ADAMTS9: variants seen among roughly 807,000 people sequenced by gnomAD.
The protein encoded by ADAMTS9 is ADAM metallopeptidase with thrombospondin type 1 motif 9.
In ADAMTS9, 107 loss-of-function variants were observed where a neutral mutation model predicts 257.1. That is an observed-to-expected ratio of 0.42 (90% CI 0.36 to 0.49). The LOEUF (loss-of-function observed/expected upper bound fraction) is 0.49. ADAMTS9 is among the 20% of genes least tolerant of loss of function. The pLI is 0.03. For missense variants in ADAMTS9, 2,353 were observed against 2,469.1 expected, an observed-to-expected ratio of 0.95 and a Z score of 1.00; for synonymous variants, 982 against 880.9, an observed-to-expected ratio of 1.11 and a Z score of -2.03.
intron 3 of ADAMTS9, among the ~76,000 whole-genome samples, chr3:64,670,075 T>C (rs1434352366): frequency 6.6e-6 from 1 of 152,208 alleles, no homozygotes; most frequent in East Asian, 1.9e-4. Context: ...CAGCAGGGCA[T>C]GTGGTCATAA....
chr3:64,671,172 T>C (rs1348116082), intron 3 of ADAMTS9, among the ~76,000 whole-genome samples: 1 of 152,192 alleles, frequency 6.6e-6, no homozygotes, highest in Non-Finnish European at 1.5e-5. Context: ...GATATATCCA[T>C]TCAGTGGAAT....
At chr3:64,533,325 A>T (rs2083006756) in intron 37 of ADAMTS9, 55 bp from the exon 38 acceptor site, 1 of 1,404,756 alleles carries the variant, frequency 7.1e-7, no homozygotes, top group African/African-American at 1.4e-5. Flanking sequence ...TCCTCAAAAA[A>T]GCAAAGGCAA....
At chr3:64,616,627 A>G (rs1437861160) in intron 19 of ADAMTS9, among the ~76,000 whole-genome samples, 1 of 152,176 alleles carries the variant, frequency 6.6e-6, no homozygotes. Flanking sequence ...ACCTGTAATG[A>G]GATTATGGGG....
At chr3:64,518,729 T>C (rs945435184) in intron 39 of ADAMTS9, among the ~76,000 whole-genome samples, 3 of 151,246 alleles carry the variant, frequency 2.0e-5, no homozygotes, top group African/African-American at 4.9e-5. Flanking sequence ...TAGGACACTC[T>C]GAGTTCTGCC....
chr3:64,658,751 T>C lies in ADAMTS9; in HGVS notation c.720A>G (p.Arg240=). The C allele has an allele frequency of 1.9e-6, 3 of 1,614,168 alleles. No homozygotes were observed. The highest frequency in any genetic ancestry group is 2.2e-5 in the East Asian group (1 of 44,880). The part of the protein sequence containing the change: ...NRHSKDKKKT[R]ARKWGERINL... Reference sequence around the variant, plus strand: ...TAATCCTTTCTCCCCATTTTCTTGCTCTGGTTTTCTTCTTGTCTTTACTGT... The same window carrying C: ...TAATCCTTTCTCCCCATTTTCTTGCCCTGGTTTTCTTCTTGTCTTTACTGT... The change falls in exon 4 of 40, where the codon AGA becomes AGG. Residue 240 remains arginine, a synonymous_variant. Transcript: ENST00000498707.
At chr3:64,545,799 T>C (rs1342169209) in intron 32 of ADAMTS9, among the ~76,000 whole-genome samples, 4 of 152,190 alleles carry the variant, frequency 2.6e-5, no homozygotes, top group African/African-American at 7.2e-5. Context: ...GATGTCACCA[T>C]GTTGGCCAGG....
At chr3:64,630,449 G>A (rs1700339575) in intron 16 of ADAMTS9, among the ~76,000 whole-genome samples, 1 of 152,144 alleles carries the variant, frequency 6.6e-6, no homozygotes, top group African/African-American at 2.4e-5. Context: ...GCATAGTGGT[G>A]AGTGCCTATA....
chr3:64,650,944 C>G, intron 9 of ADAMTS9, 73 bp downstream of exon 9: 1 of 1,359,362 alleles, frequency 7.4e-7, no homozygotes, highest in Non-Finnish European at 9.8e-7. Context: ...TTCATATTGT[C>G]TTTCCCACAA....
intron 3 of ADAMTS9, among the ~76,000 whole-genome samples, chr3:64,675,293 C>T (rs529939700): frequency 3.3e-5 from 5 of 152,130 alleles, no homozygotes; most frequent in African/African-American, 1.2e-4. Flanking sequence ...GAGGCTACCA[C>T]ATAATACACA....
intron 11 of ADAMTS9, among the ~76,000 whole-genome samples, chr3:64,643,135 A>T (rs1475291547): frequency 6.6e-6 from 1 of 152,194 alleles, no homozygotes; most frequent in Non-Finnish European, 1.5e-5. Flanking sequence ...TGGGTGACTC[A>T]GGACCCATGA....
chr3:64,603,741 A>C (rs2084506441), intron 25 of ADAMTS9, among the ~76,000 whole-genome samples, 181 bp downstream of exon 25: 1 of 152,222 alleles, frequency 6.6e-6, no homozygotes, highest in Admixed American at 6.5e-5. Context: ...CATTTAGCTA[A>C]GAGTCCTTGC....
chr3:64,653,561 G>A (rs1700983987), intron 8 of ADAMTS9, among the ~76,000 whole-genome samples: 1 of 152,118 alleles, frequency 6.6e-6, no homozygotes, highest in Non-Finnish European at 1.5e-5. Flanking sequence ...TGAAAATCTT[G>A]TTTAATAAAT....
rs184973155 is a variant in ADAMTS9 at position 64,621,825 on chromosome 3, C to T, written c.2686+373G>A. ...AAAAGAAAAAGAAAAAAAAGGTAGG[C>T]GGTAGGCTGGATTTGGCCTGCTGGC... On this transcript the variant is annotated intron_variant, in intron 18 of 39. Transcript: ENST00000498707. Among the ~76,000 whole-genome samples the T allele has an allele frequency of 2.4e-4, 36 of 150,836 alleles. No homozygotes were observed. The East Asian group carries it at 4.1e-3, about 17-fold the overall frequency.
At chr3:64,674,778 C>T (rs1337017195) in intron 3 of ADAMTS9, among the ~76,000 whole-genome samples, 3 of 152,186 alleles carry the variant, frequency 2.0e-5, no homozygotes, top group African/African-American at 4.8e-5. Context: ...AATGTTTTAC[C>T]GAAAGCCCCC....
intron 28 of ADAMTS9, chr3:64,587,100 G>T (rs1374806604): frequency 1.3e-5 from 2 of 152,168 alleles, no homozygotes; most frequent in African/African-American, 4.8e-5. Flanking sequence ...TGTTTTAACA[G>T]CTGCTTTTAC....
At chr3:64,656,080 T>C (rs1345591228) in intron 4 of ADAMTS9, 9 of 463,934 alleles carry the variant, frequency 1.9e-5, no homozygotes, top group Non-Finnish European at 3.1e-5. Flanking sequence ...TAACAGTGAA[T>C]TCAAACAAAT....
chr3:64,531,399 C>T (rs2082979181), intron 38 of ADAMTS9, among the ~76,000 whole-genome samples: 1 of 151,196 alleles, frequency 6.6e-6, no homozygotes, highest in Non-Finnish European at 1.5e-5. Flanking sequence ...ACAACATATA[C>T]ATGTTTAGTA....
At chr3:64,631,718 G>T in intron 15 of ADAMTS9, 90 bp downstream of exon 15, 3 of 1,283,028 alleles carry the variant, frequency 2.3e-6, no homozygotes, top group South Asian at 2.5e-5. Context: ...TTTTATGCTC[G>T]ACATTAATAT....
intron 28 of ADAMTS9, 108 bp from the exon 29 acceptor site, chr3:64,568,643 T>C: frequency 7.7e-7 from 1 of 1,305,620 alleles, no homozygotes; most frequent in Non-Finnish European, 1.1e-6. Context: ...AGAGTTACCA[T>C]TCCCCTCTTT....
Sources: gnomAD v4.1 joint callset for allele counts (sites outside exome capture counted in the v4.1 genomes callset) on GRCh38, gnomAD v4.1.1 for gene constraint, MANE v1.5 for transcripts, NCBI Gene and HGNC (gene_info 2026-07-23, HGNC 2026-07-21) for gene names.